The following CEP350 variants were observed in gnomAD, a reference collection of about 807,000 sequenced individuals.
CEP350 encodes the protein centrosome-associated protein 350.
Under a neutral mutation model 331.8 loss-of-function variants are expected in CEP350, and 126 were observed. The ratio of observed to expected loss-of-function variants is 0.38; its 90% confidence interval spans 0.33 to 0.44. The LOEUF is 0.44. CEP350 is among the 20% of genes least tolerant of loss of function. The pLI, the probability that CEP350 is intolerant of heterozygous loss-of-function variation, is 1.00. For missense variants in CEP350, 3,406 were observed against 3,634.6 expected (o/e 0.94, Z 1.62); for synonymous variants, 1,200 against 1,259.5 (o/e 0.95, Z 1.00).
At chr1:180,000,506 C>CT in intron 6 of CEP350, 1 of 154,498 alleles carries the variant, frequency 6.5e-6, no homozygotes, top group Non-Finnish European at 1.5e-5. Context: ...TCCTTGGGGT[C>CT]TTTTTTTCTC....
At chr1:179,986,456 A>T (rs993130202) in intron 2 of CEP350, among the ~76,000 whole-genome samples, 1 of 152,206 alleles carries the variant, frequency 6.6e-6, no homozygotes, top group Admixed American at 6.5e-5. Flanking sequence ...TAAAGCAGGA[A>T]TCCTTTTTTA....
At chr1:179,997,543 C>CAA (rs1219449623) in intron 6 of CEP350, among the ~76,000 whole-genome samples, 4,682 of 81,060 alleles carry the variant, frequency 0.058, 125 homozygotes, top group South Asian at 0.13. Context: ...GACTCGGTCT[C>CAA]AAAAAAAAAA....
At chr1:180,108,216 C>T (rs147209715) in intron 37 of CEP350, among the ~76,000 whole-genome samples, 1 of 151,984 alleles carries the variant, frequency 6.6e-6, no homozygotes, top group Admixed American at 6.6e-5. Context: ...GAGGTTACAC[C>T]GAGAGAGAGA....
intron 26 of CEP350, 93 bp from the exon 27 acceptor site, chr1:180,065,022 A>G (rs1571946161): frequency 1.0e-5 from 13 of 1,290,072 alleles, no homozygotes; most frequent in East Asian, 2.7e-5. Flanking sequence ...TAAACATTGT[A>G]TTGTGGATAA....
chr1:180,018,331 G>T (rs147753319), intron 11 of CEP350, among the ~76,000 whole-genome samples: 49 of 152,060 alleles, frequency 3.2e-4, no homozygotes, highest in African/African-American at 1.1e-3. Flanking sequence ...GGATTAACTG[G>T]ATTAAGTATA....
intron 27 of CEP350, among the ~76,000 whole-genome samples, chr1:180,069,193 T>G (rs553657842): frequency 6.6e-6 from 1 of 152,344 alleles, no homozygotes; most frequent in East Asian, 1.9e-4. Context: ...CAAAACATTT[T>G]AAATACTCCT....
chr1:180,105,337 T>C (rs942445093), intron 37 of CEP350, among the ~76,000 whole-genome samples: 2 of 151,998 alleles, frequency 1.3e-5, no homozygotes, highest in Non-Finnish European at 2.9e-5. Context: ...CTACACTCCT[T>C]CTCAGTCTCA....
intron 17 of CEP350, among the ~76,000 whole-genome samples, chr1:180,038,732 T>C (rs914639670): frequency 1.3e-5 from 2 of 152,210 alleles, no homozygotes; most frequent in African/African-American, 2.4e-5. Context: ...TTTTTAATTA[T>C]TGATTTTATA....
intron 14 of CEP350, among the ~76,000 whole-genome samples, chr1:180,025,166 C>T (rs1655588776): frequency 6.6e-6 from 1 of 152,082 alleles, no homozygotes; most frequent in Non-Finnish European, 1.5e-5. Flanking sequence ...CCTCGTGATC[C>T]ACCCGCCTTG....
chr1:180,063,618 C>A (rs981851503), intron 26 of CEP350, among the ~76,000 whole-genome samples: 6 of 152,002 alleles, frequency 3.9e-5, no homozygotes, highest in African/African-American at 1.2e-4. Flanking sequence ...TTGAGACCAG[C>A]CTGGGCAACA....
In CEP350 at chr1:180,068,616, G is replaced by T. The variant is rs1209498932; in HGVS notation, c.5567+3344G>T. 3.2e-4 allele frequency among the ~76,000 whole-genome samples: 48 copies of T among 152,128 alleles called. 1 individual carries two copies. Among genetic ancestry groups the T allele is most frequent in the Admixed American group, 3.1e-3 (48 of 15,278 alleles). On this transcript the variant is annotated intron_variant, in intron 27 of 37. Coordinates refer to ENST00000367607, the MANE Select transcript of CEP350 (RefSeq NM_014810.5). The stretch of plus-strand genomic sequence containing the variant: ...TTATGGAACAAGTGAAACACTGAAA[G>T]AATGGAGTTTTCTTCATCTTTAAGT...
At chr1:180,028,285 T>A (rs1378973518) in intron 14 of CEP350, among the ~76,000 whole-genome samples, 1 of 152,224 alleles carries the variant, frequency 6.6e-6, no homozygotes, top group Non-Finnish European at 1.5e-5. Context: ...GACTACTGAA[T>A]CATCAATCAT....
chr1:180,037,198 C>A, intron 17 of CEP350, 109 bp downstream of exon 17: 2 of 862,762 alleles, frequency 2.3e-6, no homozygotes, highest in Non-Finnish European at 3.2e-6. Context: ...AAATAGTCTG[C>A]CATATAGCAC....
At chr1:180,110,777 G>A (rs1661428984) in intron 37 of CEP350, among the ~76,000 whole-genome samples, 1 of 152,086 alleles carries the variant, frequency 6.6e-6, no homozygotes, top group African/African-American at 2.4e-5. Context: ...CTTGAATATT[G>A]TCAAATGTTA....
chr1:179,958,518 G>A (rs757869011), intron 1 of CEP350, among the ~76,000 whole-genome samples: 2 of 152,142 alleles, frequency 1.3e-5, no homozygotes, highest in Non-Finnish European at 2.9e-5. Flanking sequence ...AGGTTTCAGG[G>A]TATCTATATT....
rs532994014 is a variant in CEP350, at chr1:180,092,903, G to A, written c.6798G>A (p.Leu2266=). The part of the protein sequence containing the change: ...SEIKEIEYTK[L]KKSKIEDAFS... ...TAAAAGAAATAGAGTATACAAAATT[G>A]AAGAAGAGTAAGATTGAAGATGCCT... The change falls in exon 34 of 38, where the codon TTG becomes TTA. Residue 2266 remains leucine, a synonymous_variant. Coordinates refer to ENST00000367607, the MANE Select transcript of CEP350 (RefSeq NM_014810.5). 5.1e-6 allele frequency: 8 copies of A among 1,573,588 alleles called. No individual in the cohort carries two copies. In the African/African-American group the frequency reaches 6.7e-5, roughly 13 times the overall value.
chr1:180,012,720 T>C (rs1197292002), intron 9 of CEP350, among the ~76,000 whole-genome samples: 1 of 152,198 alleles, frequency 6.6e-6, no homozygotes, highest in Non-Finnish European at 1.5e-5. Context: ...CTGGAATGGA[T>C]TCAGTAAGAT....
chr1:180,045,098 T>C (rs1657036214), intron 21 of CEP350, among the ~76,000 whole-genome samples: 1 of 152,124 alleles, frequency 6.6e-6, no homozygotes, highest in Non-Finnish European at 1.5e-5. Flanking sequence ...TTCCAGCACT[T>C]TGGGAGGCCG....
intron 1 of CEP350, among the ~76,000 whole-genome samples, chr1:179,960,521 T>C (rs1650525150): frequency 6.6e-6 from 1 of 152,168 alleles, no homozygotes; most frequent in Non-Finnish European, 1.5e-5. Flanking sequence ...TGTGGGATAT[T>C]TGACATCTAT....
Sources: gnomAD v4.1 joint callset for allele counts (sites outside exome capture counted in the v4.1 genomes callset) on GRCh38, gnomAD v4.1.1 for gene constraint, MANE v1.5 for transcripts, NCBI Gene and HGNC (gene_info 2026-07-23, HGNC 2026-07-21) for gene names.